The following GLIS3 variants were observed in gnomAD, a reference collection of about 807,000 sequenced individuals.
GLIS3 encodes GLIS family zinc finger 3, also known as zinc finger protein GLIS3.
GLIS3 carries 53 observed loss-of-function variants against 78.6 expected under a neutral mutation model. The ratio of observed to expected loss-of-function variants is 0.67; its 90% CI spans 0.54 to 0.85. GLIS3 has a LOEUF of 0.85. Ranked by LOEUF, GLIS3 falls within the 40% of genes least tolerant of loss-of-function variation. GLIS3 has a pLI of 0.00. For synonymous variants in GLIS3, 684 were observed against 509.9 expected (o/e 1.34, Z -4.60); for missense variants, 1,703 against 1,231.1 (o/e 1.38, Z -5.74).
chr9:4,360,538 C>T, the GLIS3 span, among the ~76,000 whole-genome samples: 31 of 152,102 alleles, frequency 2.0e-4, no homozygotes, highest in African/African-American at 7.0e-4. Context: ...TAGCCTTTTC[C>T]GAGGATTATC....
At chr9:4,073,723 C>T (rs1378675468) in intron 4 of GLIS3, among the ~76,000 whole-genome samples, 2 of 152,230 alleles carry the variant, frequency 1.3e-5, no homozygotes, top group Admixed American at 6.5e-5. Context: ...CAAACGCTTG[C>T]TCCCCCAATA....
chr9:3,965,162 C>T (rs1817836380), intron 4 of GLIS3, among the ~76,000 whole-genome samples: 1 of 148,452 alleles, frequency 6.7e-6, no homozygotes, highest in African/African-American at 2.5e-5. Flanking sequence ...TTCCTTTACC[C>T]TACTTCTTTT....
intron 2 of GLIS3, among the ~76,000 whole-genome samples, chr9:4,238,164 T>TTA (rs1822951624): frequency 6.6e-6 from 1 of 152,142 alleles, no homozygotes; most frequent in African/African-American, 2.4e-5. Context: ...TACATAAAGT[T>TTA]TATTCCCTGC....
chr9:4,380,262 T>A, the GLIS3 span, among the ~76,000 whole-genome samples: 4 of 152,238 alleles, frequency 2.6e-5, no homozygotes, highest in African/African-American at 7.2e-5. Flanking sequence ...GTTTCTTTTT[T>A]AAATAACTCT....
chr9:4,345,407 CAT>C (rs1171687350), intron 2 of GLIS3, among the ~76,000 whole-genome samples: 1 of 152,134 alleles, frequency 6.6e-6, no homozygotes, highest in Non-Finnish European at 1.5e-5. Context: ...TGACAATTGA[CAT>C]ATATTTTCCA....
At chr9:4,418,159 C>G in the GLIS3 span, among the ~76,000 whole-genome samples, 1 of 152,184 alleles carries the variant, frequency 6.6e-6, no homozygotes, top group Non-Finnish European at 1.5e-5. Flanking sequence ...ATGAGCCATC[C>G]TGAACAAATG....
the GLIS3 span, among the ~76,000 whole-genome samples, chr9:4,418,002 C>A: frequency 6.6e-6 from 1 of 152,196 alleles, no homozygotes; most frequent in Non-Finnish European, 1.5e-5. Context: ...GCATTCCTGG[C>A]TCCTGTCCAC....
chr9:3,871,743 G>C (rs2130391759), intron 8 of GLIS3, among the ~76,000 whole-genome samples: 1 of 152,314 alleles, frequency 6.6e-6, no homozygotes, highest in East Asian at 1.9e-4. Flanking sequence ...CCTAGGCCTT[G>C]GGGCCTGTGA....
the GLIS3 span, among the ~76,000 whole-genome samples, chr9:4,408,267 A>G: frequency 2.6e-5 from 4 of 152,134 alleles, no homozygotes; most frequent in Non-Finnish European, 5.9e-5. Context: ...TGCTGAGTAT[A>G]TATCCGAAAG....
chr9:4,338,404 A>T (rs1217202152), intron 2 of GLIS3, among the ~76,000 whole-genome samples: 2 of 151,686 alleles, frequency 1.3e-5, no homozygotes, highest in Non-Finnish European at 2.9e-5. Context: ...ACACACACAC[A>T]CACACAATTT....
the GLIS3 span, among the ~76,000 whole-genome samples, chr9:4,398,501 G>T: frequency 4.0e-5 from 6 of 151,870 alleles, no homozygotes; most frequent in South Asian, 2.1e-4. Flanking sequence ...TTGCATTGAG[G>T]GGGTGGGGGC....
intron 2 of GLIS3, among the ~76,000 whole-genome samples, chr9:4,269,494 C>T (rs953094296): frequency 9.2e-5 from 14 of 152,154 alleles, no homozygotes; most frequent in Admixed American, 2.6e-4. Context: ...TCAGTTATAT[C>T]GCTGAAAGCA....
chr9:4,218,062 C>G (rs1397067218), intron 2 of GLIS3, among the ~76,000 whole-genome samples: 1 of 152,160 alleles, frequency 6.6e-6, no homozygotes, highest in African/African-American at 2.4e-5. Context: ...CCAAGTGGAT[C>G]TCCTTATTCA....
chr9:4,090,370 CAAT>C (rs1447882066), intron 4 of GLIS3, among the ~76,000 whole-genome samples: 6 of 151,308 alleles, frequency 4.0e-5, no homozygotes, highest in Admixed American at 4.0e-4. Context: ...GATTCACGCT[CAAT>C]AAAAACAAAA....
At chr9:3,843,705 T>C (rs1818862895) in intron 9 of GLIS3, among the ~76,000 whole-genome samples, 1 of 152,188 alleles carries the variant, frequency 6.6e-6, no homozygotes, top group Non-Finnish European at 1.5e-5. Context: ...ACCTCATGGG[T>C]ATTGACAAAA....
chr9:3,977,734 A>C lies in GLIS3; in HGVS notation c.1711-40545T>G, dbSNP rs998472433. Among the ~76,000 whole-genome samples the C allele has an allele frequency of 1.3e-5, 2 of 152,216 alleles. No individual in the cohort carries two copies. Among genetic ancestry groups the C allele is most frequent in the African/African-American group, 4.8e-5 (2 of 41,460 alleles). Reference sequence around the variant, plus strand: ...GTTCTTTTATACAAGTACATATTTCAGAAGTTTGCAAGGCATTCATCTTGA... The same window carrying C: ...GTTCTTTTATACAAGTACATATTTCCGAAGTTTGCAAGGCATTCATCTTGA... On this transcript the variant is annotated intron_variant, in intron 4 of 10. Coordinates refer to ENST00000381971, the MANE Select transcript of GLIS3 (RefSeq NM_001042413.2). The surrounding 1 kb of genome is among the most constrained non-coding windows in gnomAD (Gnocchi z 4.1).
chr9:3,962,732 G>A (rs1483838928), intron 4 of GLIS3, among the ~76,000 whole-genome samples: 2 of 152,114 alleles, frequency 1.3e-5, no homozygotes, highest in Non-Finnish European at 2.9e-5. Flanking sequence ...AGAATTTCAT[G>A]GGAGTCACAG....
chr9:3,833,910 TC>T (rs1157947882), intron 9 of GLIS3, among the ~76,000 whole-genome samples: 1 of 152,122 alleles, frequency 6.6e-6, no homozygotes, highest in Non-Finnish European at 1.5e-5. Flanking sequence ...AAGTTTTTTT[TC>T]CCCCTCCTAA....
At chr9:4,261,265 A>G (rs1041206931) in intron 2 of GLIS3, among the ~76,000 whole-genome samples, 2 of 152,210 alleles carry the variant, frequency 1.3e-5, no homozygotes, top group African/African-American at 4.8e-5. Flanking sequence ...TCCCAATTCA[A>G]TGTGAGCAGC....
Sources: allele counts gnomAD v4.1 joint callset (sites outside exome capture counted in the v4.1 genomes callset), GRCh38; gene constraint gnomAD v4.1.1; non-coding constraint Gnocchi (gnomAD v3.1); transcripts MANE v1.5; gene names NCBI Gene and HGNC (gene_info 2026-07-23, HGNC 2026-07-21).